NUDC: variants seen among roughly 807,000 people sequenced by gnomAD.
The protein encoded by NUDC is nuclear migration protein nudC.
Under a neutral mutation model 45.0 loss-of-function variants are expected in NUDC, and 14 were observed. That is an observed-to-expected ratio of 0.31 (90% confidence interval 0.21 to 0.49). The LOEUF (loss-of-function observed/expected upper bound fraction) is 0.49. Among genes scored for constraint, NUDC ranks in the 20% least tolerant of loss-of-function variants. NUDC has a pLI of 0.99. For synonymous variants in NUDC, 153 were observed against 156.7 expected, an observed-to-expected ratio of 0.98 and a Z score of 0.17; for missense variants, 323 against 426.2, an observed-to-expected ratio of 0.76 and a Z score of 2.13.
upstream of NUDC, among the ~76,000 whole-genome samples, chr1:26,916,781 C>T (rs1032542977): frequency 6.6e-6 from 1 of 151,952 alleles, no homozygotes; most frequent in Non-Finnish European, 1.5e-5. Context: ...ATGGTGAAAC[C>T]CCATCTCTAC....
At chr1:26,924,236 T>C in intron 2 of NUDC, 70 bp downstream of exon 2, 1 of 1,321,106 alleles carries the variant, frequency 7.6e-7, no homozygotes, top group Non-Finnish European at 1.1e-6. Context: ...CTGGCCTTTC[T>C]TTGGCATAAT....
intron 3 of NUDC, among the ~76,000 whole-genome samples, chr1:26,916,153 G>A (rs1005222392): frequency 1.3e-5 from 2 of 151,976 alleles, no homozygotes; most frequent in Non-Finnish European, 2.9e-5. Context: ...TTGGGAAGTT[G>A]AGGTGGGAGG....
At chr1:26,900,500 T>C (rs2124038579) in intron 1 of NUDC, 1 of 1,413,852 alleles carries the variant, frequency 7.1e-7, no homozygotes, top group Non-Finnish European at 9.8e-7. Flanking sequence ...GCGAGCAACG[T>C]TCCAGCCCCT....
At chr1:26,915,013 A>G (rs12027292) in intron 3 of NUDC, among the ~76,000 whole-genome samples, 1 of 146,876 alleles carries the variant, frequency 6.8e-6, no homozygotes, top group African/African-American at 2.5e-5. Flanking sequence ...ATGTATATGT[A>G]TATTTATATG....
intron 3 of NUDC, among the ~76,000 whole-genome samples, chr1:26,914,838 G>T (rs745926911): frequency 3.3e-5 from 5 of 151,890 alleles, no homozygotes; most frequent in Non-Finnish European, 7.4e-5. Context: ...ATGGTGGCAT[G>T]TGCCTGTAGT....
At chr1:26,912,484 A>G (rs1480015116) in intron 3 of NUDC, among the ~76,000 whole-genome samples, 3 of 151,838 alleles carry the variant, frequency 2.0e-5, no homozygotes, top group African/African-American at 7.3e-5. Context: ...TATATGTAAA[A>G]CCCTTAGAAT....
Position 26,941,785 on chromosome 1 carries a change from C to A in NUDC, c.396C>A (p.Leu132=), listed in dbSNP as rs868657616. The change falls in exon 4 of 9, where the codon CTC becomes CTA. Residue 132 remains leucine (L), a synonymous_variant. Coordinates refer to ENST00000321265, the MANE Select transcript of NUDC (RefSeq NM_006600.4). ...ATGCAGAGAATCATGAGGCCCAGCT[C>A]AAGAACGGCAGCCTTGACTCCCCAG... is the stretch of plus-strand genomic sequence containing the variant. ...KKDAENHEAQ[L]KNGSLDSPGK... is the part of the protein sequence containing the mutation. The A allele has an allele frequency of 1.2e-6, 2 of 1,613,686 alleles. No homozygotes were observed. The highest frequency in any genetic ancestry group is 1.8e-4 in the Middle Eastern group (1 of 5,668).
intron 3 of NUDC, among the ~76,000 whole-genome samples, chr1:26,913,079 G>A (rs1557666998): frequency 6.6e-6 from 1 of 152,194 alleles, no homozygotes; most frequent in Admixed American, 6.5e-5. Flanking sequence ...GGGGTTAGGA[G>A]TTCAAGACCA....
upstream of NUDC, among the ~76,000 whole-genome samples, chr1:26,918,258 T>TG (rs1159079396): frequency 6.7e-6 from 1 of 150,268 alleles, no homozygotes; most frequent in East Asian, 2.0e-4. Context: ...CTGCAACCTC[T>TG]GCCTCAGGGT....
chr1:26,924,055 G>T lies in NUDC; in HGVS notation c.82-34G>T, dbSNP rs1032619551. ...TGCAGTTGAAGGGCTCCCAAATGCA[G>T]CTCTACTACTTTAATCTTCTCCCCC... On this transcript the variant is annotated intron_variant, in intron 1 of 8. Coordinates refer to ENST00000321265, the MANE Select transcript of NUDC (RefSeq NM_006600.4). 3 of 1,604,530 alleles carry T rather than the reference G, an allele frequency of 1.9e-6. No homozygotes were observed. The African/African-American group carries it at 4.0e-5, about 21-fold the overall frequency.
At chr1:26,911,163 T>C in exon 3 of NUDC, 1 of 470,926 alleles carries the variant, frequency 2.1e-6, no homozygotes, top group Non-Finnish European at 4.4e-6. Context: ...ACTACAGAAA[T>C]GGCAGTGAAC....
rs1570710606 is a variant in NUDC at position 26,909,832 on chromosome 1, G to C, written c.-15-1296G>C. Among the ~76,000 whole-genome samples the C allele has an allele frequency of 2.0e-5, 3 of 152,216 alleles. No individual in the cohort carries two copies. The East Asian group carries it at 5.8e-4, about 29-fold the overall frequency. On this transcript the variant is annotated intron_variant, in intron 2 of 6. Transcript: ENST00000435827. ...TGGGGCATCTGGTGGGAGGTGGGGG[G>C]ATACAGGGCTTGTTCTGGGCCCTGA...
chr1:26,909,976 A>T (rs1381725306), intron 2 of NUDC, among the ~76,000 whole-genome samples: 3 of 152,134 alleles, frequency 2.0e-5, no homozygotes, highest in Non-Finnish European at 4.4e-5. Flanking sequence ...GGGGTCCCAA[A>T]TGCCAGGCAG....
At position 26,939,772 on chromosome 1, in the gene NUDC, C is replaced by T. The variant is rs80235125; in HGVS notation, c.160-1685C>T. Among the ~76,000 whole-genome samples the T allele has an allele frequency of 2.1e-3, 327 of 152,254 alleles. 3 individuals carry two copies. Among genetic ancestry groups the T allele is most frequent in the Middle Eastern group, 3.4e-3 (1 of 294 alleles). On this transcript the variant is annotated intron_variant, in intron 2 of 8. Transcript: ENST00000321265. Reference sequence around the variant, plus strand: ...CTGGCCATACCCCAGAATTTCTGATCCAGTAGATCTGGAGTGGGGCTTAAG... The same window carrying T: ...CTGGCCATACCCCAGAATTTCTGATTCAGTAGATCTGGAGTGGGGCTTAAG...
At chr1:26,923,972 T>C (rs2082111095) in intron 1 of NUDC, 117 bp from the exon 2 acceptor site, 1 of 878,714 alleles carries the variant, frequency 1.1e-6, no homozygotes, top group Non-Finnish European at 1.9e-6. Flanking sequence ...GTTGGGAAGC[T>C]CAGAGGAAAA....
intron 3 of NUDC, chr1:26,911,354 G>A: frequency 2.8e-6 from 1 of 358,120 alleles, no homozygotes; most frequent in African/African-American, 2.1e-5. Flanking sequence ...ATTGTGAACT[G>A]ATACTGTTCC....
Position 26,941,868 on chromosome 1 carries a change from A to G in NUDC, c.429+50A>G, listed in dbSNP as rs773630449. The G allele has an allele frequency of 2.6e-6, 4 of 1,563,790 alleles. No individual in the cohort carries two copies. The South Asian group carries it at 4.5e-5, about 17-fold the overall frequency. Reference sequence around the variant, plus strand: ...GATGAGCCAGGAGCTTGGAACTTACAGGAAATCTCCTGCCTACTGCTTTCT... The same window carrying G: ...GATGAGCCAGGAGCTTGGAACTTACGGGAAATCTCCTGCCTACTGCTTTCT... On this transcript the variant is annotated intron_variant, in intron 4 of 8. Transcript: ENST00000321265.
chr1:26,941,746 G>C lies in NUDC; in HGVS notation c.364-7G>C, dbSNP rs1177535341. ...CCTGTTGCCAACTGCTGTGCTCTTTGCCCCAGAAAAAGGATGCAGAGAATC... is the reference window on the plus strand; with the variant it reads ...CCTGTTGCCAACTGCTGTGCTCTTTCCCCCAGAAAAAGGATGCAGAGAATC... On this transcript the variant is annotated splice_region_variant and splice_polypyrimidine_tract_variant and intron_variant, in intron 3 of 8. Coordinates refer to ENST00000321265, the MANE Select transcript of NUDC (RefSeq NM_006600.4). 19 of 1,614,092 alleles carry C rather than the reference G, an allele frequency of 1.2e-5. No individual in the cohort carries two copies. The highest frequency in any genetic ancestry group is 1.6e-5 in the Non-Finnish European group (19 of 1,180,028).
chr1:26,932,636 T>G (rs2082193056), intron 2 of NUDC, among the ~76,000 whole-genome samples: 1 of 152,126 alleles, frequency 6.6e-6, no homozygotes, highest in Non-Finnish European at 1.5e-5. Context: ...TTAACCATTT[T>G]TAAGTGTACA....
Sources: allele counts gnomAD v4.1 joint callset (sites outside exome capture counted in the v4.1 genomes callset), GRCh38; gene constraint gnomAD v4.1.1; transcripts MANE v1.5; gene names NCBI Gene and HGNC (gene_info 2026-07-23, HGNC 2026-07-21).